The following LANCL2 variants were observed in gnomAD, a reference collection of about 807,000 sequenced individuals.
LANCL2 encodes lanC-like protein 2.
A neutral mutation model predicts 56.9 loss-of-function variants in LANCL2; 33 were observed. That is an observed-to-expected ratio of 0.58 (90% CI 0.44 to 0.78). LANCL2 has a LOEUF of 0.78. Among genes scored for constraint, LANCL2 ranks in the 30% least tolerant of loss-of-function variants. LANCL2 has a pLI of 0.00. For missense variants in LANCL2, 562 were observed against 580.2 expected (o/e 0.97, Z 0.32); for synonymous variants, 233 against 228.2 (o/e 1.02, Z -0.19).
intron 1 of LANCL2, among the ~76,000 whole-genome samples, chr7:55,371,172 CTCCT>C (rs1789939600): frequency 2.0e-5 from 3 of 152,202 alleles, no homozygotes; most frequent in Non-Finnish European, 2.9e-5. Context: ...ACCATTTCCT[CTCCT>C]TCCTTCAACC....
chr7:55,399,476 T>C (rs1790296175), intron 3 of LANCL2, among the ~76,000 whole-genome samples: 1 of 151,970 alleles, frequency 6.6e-6, no homozygotes, highest in Admixed American at 6.6e-5. Context: ...CCAAAGTAGC[T>C]GGGATTACAA....
chr7:55,393,307 C>A (rs540256886), intron 2 of LANCL2, among the ~76,000 whole-genome samples: 76 of 152,268 alleles, frequency 5.0e-4, no homozygotes, highest in African/African-American at 1.8e-3. Context: ...CCAAAGACGG[C>A]AGATCACTTG....
intron 1 of LANCL2, among the ~76,000 whole-genome samples, chr7:55,390,560 C>T (rs969875221): frequency 2.0e-5 from 3 of 152,236 alleles, no homozygotes; most frequent in South Asian, 4.1e-4. Context: ...GAGCCAAGAT[C>T]GCACCATTGC....
chr7:55,366,963 C>T (rs1259036332), intron 1 of LANCL2, among the ~76,000 whole-genome samples: 1 of 152,144 alleles, frequency 6.6e-6, no homozygotes, highest in African/African-American at 2.4e-5. Context: ...CCGCCTTGCT[C>T]GGCTCTGGTG....
At chr7:55,384,332 T>C (rs954333176) in intron 1 of LANCL2, among the ~76,000 whole-genome samples, 17 of 152,114 alleles carry the variant, frequency 1.1e-4, no homozygotes, top group Non-Finnish European at 2.2e-4. Flanking sequence ...GGCGGGTGGA[T>C]CACGAGGTCA....
intron 1 of LANCL2, among the ~76,000 whole-genome samples, chr7:55,379,291 G>A (rs1302570403): frequency 7.9e-5 from 12 of 152,176 alleles, no homozygotes; most frequent in Admixed American, 5.2e-4. Context: ...CAACTTAAAC[G>A]TACTTTAATC....
At chr7:55,385,227 C>T (rs1168979912) in intron 1 of LANCL2, among the ~76,000 whole-genome samples, 2 of 152,170 alleles carry the variant, frequency 1.3e-5, no homozygotes, top group African/African-American at 2.4e-5. Flanking sequence ...TGAAAACTGT[C>T]GTGGGTGAGT....
intron 1 of LANCL2, among the ~76,000 whole-genome samples, chr7:55,390,585 G>A (rs1790176047): frequency 6.6e-6 from 1 of 152,038 alleles, no homozygotes; most frequent in Non-Finnish European, 1.5e-5. Context: ...CAGCCTGGGT[G>A]ACGAGCGAAA....
intron 6 of LANCL2, among the ~76,000 whole-genome samples, chr7:55,424,043 C>T (rs990371385): frequency 6.6e-6 from 1 of 152,166 alleles, no homozygotes; most frequent in Admixed American, 6.5e-5. Flanking sequence ...GAGTGTCCAG[C>T]TCATCAGTCA....
rs552119365 is a variant in LANCL2 at position 55,424,592 on chromosome 7, T to G, written c.1009-662T>G. On this transcript the variant is annotated intron_variant, in intron 6 of 8. Transcript: ENST00000254770. ...ATCTTACCAAAAAGATATGGCAGCT[T>G]TAATTTTAATTTTAAAAACTAAATT... 3.3e-4 allele frequency among the ~76,000 whole-genome samples: 51 copies of G among 152,358 alleles called. 2 individuals carry two copies. The South Asian group carries it at 9.3e-3, about 28-fold the overall frequency.
At chr7:55,384,337 AG>A (rs1366696717) in intron 1 of LANCL2, among the ~76,000 whole-genome samples, 1 of 152,154 alleles carries the variant, frequency 6.6e-6, no homozygotes, top group Non-Finnish European at 1.5e-5. Context: ...GTGGATCACG[AG>A]GTCAGGAGAT....
rs1789865728 is a variant in LANCL2, at chr7:55,366,246, G to A, written c.204+17G>A. 2.0e-6 allele frequency: 3 copies of A among 1,470,062 alleles called. No individual in the cohort carries two copies. The highest frequency in any genetic ancestry group is 2.9e-5 in the African/African-American group (2 of 68,858). 91.1% of individuals were successfully genotyped at this position (1,470,062 alleles called of 1,614,324 possible). ...GACGGGAAGGTGAGTCGGCGGCCTG[G>A]CCGCAGAGGCGCCGGAGGGGGAGCG... is the stretch of plus-strand genomic sequence containing the variant. On this transcript the variant is annotated intron_variant, in intron 1 of 8. Coordinates refer to ENST00000254770, the MANE Select transcript of LANCL2 (RefSeq NM_018697.4).
chr7:55,405,049 G>A (rs1041461579), intron 5 of LANCL2, among the ~76,000 whole-genome samples: 2 of 152,216 alleles, frequency 1.3e-5, no homozygotes, highest in Non-Finnish European at 2.9e-5. Context: ...TATTATATAT[G>A]AGATGGGATT....
At chr7:55,379,996 C>G (rs1354204464) in intron 1 of LANCL2, among the ~76,000 whole-genome samples, 1 of 152,188 alleles carries the variant, frequency 6.6e-6, no homozygotes, top group Admixed American at 6.5e-5. Context: ...CCTTAGATTT[C>G]TAACTCAGCT....
At chr7:55,410,043 C>T (rs1790454435) in intron 5 of LANCL2, among the ~76,000 whole-genome samples, 1 of 152,148 alleles carries the variant, frequency 6.6e-6, no homozygotes, top group South Asian at 2.1e-4. Flanking sequence ...CCTCATCTGC[C>T]ACAAGGGGAA....
chr7:55,397,855 A>G (rs1790273275), intron 2 of LANCL2, among the ~76,000 whole-genome samples: 1 of 150,260 alleles, frequency 6.7e-6, no homozygotes. Flanking sequence ...TGATCACCTT[A>G]CTCTGTACTG....
In LANCL2 at chr7:55,431,232, C is replaced by A; in HGVS notation, c.1265C>A (p.Ala422Asp). ...TCCTCATTTTACATTGCAGGCATGG[C>A]TGGCGCTATTCACTTTCTCTCTGAT... ...DRPYSLFEGM[A>D]GAIHFLSDVL... Residue 422 changes from alanine (A) to aspartate (D), a missense_variant, in exon 9 of 9, where the codon GCT becomes GAT. Physicochemically the swap from Ala to Asp is moderately radical, Grantham distance 126 (BLOSUM62 -2). Transcript: ENST00000254770. 6.2e-7 allele frequency: 1 copy of A among 1,612,178 alleles called. No homozygotes were observed. Among genetic ancestry groups the A allele is most frequent in the Non-Finnish European group, 8.5e-7 (1 of 1,178,980 alleles).
rs946682182 is a variant in LANCL2 at position 55,426,436 on chromosome 7, C to T, written c.1185+1006C>T. ...ATACACTAAAGTGTGTACAGTGACCCTTGTTAGATGGAGGCATTGCGGCTG... is the reference window on the plus strand; with the variant it reads ...ATACACTAAAGTGTGTACAGTGACCTTTGTTAGATGGAGGCATTGCGGCTG... On this transcript the variant is annotated intron_variant, in intron 7 of 8. Transcript: ENST00000254770. Among the ~76,000 whole-genome samples, 72 of 152,190 alleles carry T rather than the reference C, an allele frequency of 4.7e-4. 1 individual carries two copies. The highest frequency in any genetic ancestry group is 1.5e-3 in the African/African-American group (63 of 41,458).
At chr7:55,384,776 G>T (rs775592998) in intron 1 of LANCL2, among the ~76,000 whole-genome samples, 1 of 152,116 alleles carries the variant, frequency 6.6e-6, no homozygotes, top group Non-Finnish European at 1.5e-5. Flanking sequence ...TGTAAGTCCT[G>T]AAAGAAACTA....
Sources: gnomAD v4.1 joint callset for allele counts (sites outside exome capture counted in the v4.1 genomes callset) on GRCh38, gnomAD v4.1.1 for gene constraint, MANE v1.5 for transcripts, NCBI Gene and HGNC (gene_info 2026-07-23, HGNC 2026-07-21) for gene names.